SRSF4: variants seen among roughly 807,000 people sequenced by gnomAD.
The protein encoded by SRSF4 is serine/arginine-rich splicing factor 4.
A neutral mutation model predicts 48.8 loss-of-function variants in SRSF4; 12 were observed. The ratio of observed to expected loss-of-function variants is 0.25; its 90% CI spans 0.16 to 0.40. The LOEUF (loss-of-function observed/expected upper bound fraction) is 0.40. Ranked by LOEUF, SRSF4 falls within the 10% of genes least tolerant of loss-of-function variation. The probability of loss-of-function intolerance (pLI) is 1.00; values close to 1 mark genes in which losing one functional copy is unlikely to be tolerated. For synonymous variants in SRSF4, 248 were observed against 232.5 expected, an observed-to-expected ratio of 1.07 and a Z score of -0.61; for missense variants, 466 against 667.1, an observed-to-expected ratio of 0.70 and a Z score of 3.32.
At chr1:29,178,915 T>G (rs758671183) in intron 1 of SRSF4, among the ~76,000 whole-genome samples, 1 of 152,238 alleles carries the variant, frequency 6.6e-6, no homozygotes. Context: ...GGAGGTCATA[T>G]TGTGTGCTGT....
At chr1:29,162,411 G>A (rs1672612609) in intron 1 of SRSF4, among the ~76,000 whole-genome samples, 1 of 152,122 alleles carries the variant, frequency 6.6e-6, no homozygotes, top group South Asian at 2.1e-4. Flanking sequence ...TGGGTCATTA[G>A]GAAAACTATA....
At position 29,149,125 on chromosome 1, in the gene SRSF4, C is replaced by T; in HGVS notation, c.770G>A (p.Ser257Asn). Reference sequence around the variant, plus strand: ...GCTCTTGCCAGCGCTATGGCTGCGGCTGCGGCTCTTTTCCTTGCTGGGGCT... The same window carrying T: ...GCTCTTGCCAGCGCTATGGCTGCGGTTGCGGCTCTTTTCCTTGCTGGGGCT... ...SRSPSKEKSR[S>N]RSHSAGKSRS... The change falls in exon 6 of 6, where the codon AGC (serine) becomes AAC (asparagine). Residue 257 changes from serine to asparagine, a missense_variant. Transcript: ENST00000373795. 1 of 1,610,166 alleles carries T rather than the reference C, an allele frequency of 6.2e-7. No homozygotes were observed. Among genetic ancestry groups the T allele is most frequent in the South Asian group, 1.1e-5 (1 of 90,864 alleles).
chr1:29,160,160 T>C (rs1266988724), intron 2 of SRSF4: 1 of 514,190 alleles, frequency 1.9e-6, no homozygotes, highest in Non-Finnish European at 3.2e-6. Flanking sequence ...TAAACATATT[T>C]ATAAAGTATT....
intron 1 of SRSF4, among the ~76,000 whole-genome samples, chr1:29,168,012 CTT>C (rs5773233): frequency 2.3e-5 from 3 of 133,306 alleles, no homozygotes; most frequent in African/African-American, 8.3e-5. Flanking sequence ...GTTCTAATTC[CTT>C]TTTTTTTTTT....
chr1:29,155,853 C>T (rs149329203), intron 3 of SRSF4, among the ~76,000 whole-genome samples: 2 of 152,238 alleles, frequency 1.3e-5, no homozygotes, highest in Non-Finnish European at 2.9e-5. Flanking sequence ...CCTTCAATAC[C>T]ACAGGCCTCT....
Position 29,148,023 on chromosome 1 carries a change from G to A in SRSF4, c.*387C>T. 3 of 462,640 alleles carry A rather than the reference G, an allele frequency of 6.5e-6. No homozygotes were observed. Among genetic ancestry groups the A allele is most frequent in the Non-Finnish European group, 1.3e-5 (3 of 231,288 alleles). 28.7% of individuals were successfully genotyped at this position (462,640 alleles called of 1,614,324 possible). On this transcript the variant is annotated 3_prime_UTR_variant, in exon 6 of 6. Transcript: ENST00000373795. ...TAAGACTTAGCACTTTCACTAAATG[G>A]CATACATCGAAGGGCATCAATTCAA...
chr1:29,161,844 G>A (rs994877973), intron 1 of SRSF4, among the ~76,000 whole-genome samples: 10 of 152,166 alleles, frequency 6.6e-5, no homozygotes, highest in African/African-American at 2.4e-4. Flanking sequence ...TCGCCCTCCT[G>A]GGCCTCCCAA....
chr1:29,148,133 A>C lies in SRSF4; in HGVS notation c.*277T>G. 2 of 586,446 alleles carry C rather than the reference A, an allele frequency of 3.4e-6. No homozygotes were observed. Among genetic ancestry groups the C allele is most frequent in the South Asian group, 3.0e-5 (2 of 65,726 alleles). The allele number at this position is 586,446 out of a possible 1,614,324, so 36.3% of individuals were successfully genotyped here. On this transcript the variant is annotated 3_prime_UTR_variant, in exon 6 of 6. Transcript: ENST00000373795. Reference sequence around the variant, plus strand: ...TCCAGGTTACTGAGCTCCCTGTAGGAAAGGCCAGGCCTGAAAGCCAAGGCG... The same window carrying C: ...TCCAGGTTACTGAGCTCCCTGTAGGCAAGGCCAGGCCTGAAAGCCAAGGCG...
chr1:29,174,977 G>A (rs1672814893), intron 1 of SRSF4, among the ~76,000 whole-genome samples: 1 of 143,570 alleles, frequency 7.0e-6, no homozygotes, highest in African/African-American at 2.6e-5. Context: ...TGGCCGGTGG[G>A]TTTTTTAATT....
Position 29,154,914 on chromosome 1 carries a change from A to G in SRSF4, c.364-4T>C. 2.5e-6 allele frequency: 4 copies of G among 1,608,116 alleles called. No homozygotes were observed. Among genetic ancestry groups the G allele is most frequent in the Non-Finnish European group, 3.4e-6 (4 of 1,178,256 alleles). ...CTCCTGCCTGACGCATATAATCCTG[A>G]AGAAAAAAAAAAGTGTGACTACATT... On this transcript the variant is annotated splice_region_variant and splice_polypyrimidine_tract_variant and intron_variant, in intron 3 of 5. Transcript: ENST00000373795.
At chr1:29,161,276 G>A (rs1672590634) in intron 1 of SRSF4, among the ~76,000 whole-genome samples, 2 of 152,148 alleles carry the variant, frequency 1.3e-5, no homozygotes, top group Admixed American at 6.5e-5. Flanking sequence ...TGCAAAATTT[G>A]TAAGATACTT....
intron 1 of SRSF4, chr1:29,172,098 A>T (rs1294543248): frequency 6.6e-6 from 1 of 152,158 alleles, no homozygotes; most frequent in Non-Finnish European, 1.5e-5. Context: ...GGGGAAAAAA[A>T]TAATACACTT....
At chr1:29,178,352 A>T (rs1574205030) in intron 1 of SRSF4, among the ~76,000 whole-genome samples, 11 of 129,450 alleles carry the variant, frequency 8.5e-5, no homozygotes, top group Non-Finnish European at 1.3e-4. Flanking sequence ...AGTTTCAATT[A>T]CTTTTTTTTT....
intron 1 of SRSF4, among the ~76,000 whole-genome samples, chr1:29,179,854 AT>A (rs928626384): frequency 3.9e-5 from 6 of 152,164 alleles, no homozygotes; most frequent in African/African-American, 1.4e-4. Flanking sequence ...CCCCCAATTC[AT>A]TTAGCACAGT....
At chr1:29,179,570 A>T (rs1672923238) in intron 1 of SRSF4, among the ~76,000 whole-genome samples, 1 of 152,138 alleles carries the variant, frequency 6.6e-6, no homozygotes, top group African/African-American at 2.4e-5. Flanking sequence ...GCTGGTCTCA[A>T]ACTCCTGGCC....
Position 29,154,700 on chromosome 1 carries a change from A to G in SRSF4, c.574T>C (p.Ser192Pro). The G allele has an allele frequency of 6.2e-7, 1 of 1,614,202 alleles. No homozygotes were observed. The highest frequency in any genetic ancestry group is 8.5e-7 in the Non-Finnish European group (1 of 1,180,024). ...CACAAAAGACATCAACAGTACCTTG[A>G]ATGACTCCGGCTTCTGGAGTAGGAC... ...RRSYSRSRSH[S>P]RSRSRSRHSR... Residue 192 changes from serine to proline, a missense_variant, in exon 4 of 6, where the codon TCA becomes CCA. Transcript: ENST00000373795.
chr1:29,157,091 G>C (rs543557026), intron 3 of SRSF4, among the ~76,000 whole-genome samples: 5 of 152,306 alleles, frequency 3.3e-5, no homozygotes, highest in African/African-American at 1.2e-4. Flanking sequence ...CTAGGAGCCT[G>C]CATGTCTGGC....
At chr1:29,174,887 TG>T (rs1438336785) in intron 1 of SRSF4, among the ~76,000 whole-genome samples, 2 of 151,210 alleles carry the variant, frequency 1.3e-5, no homozygotes, top group Non-Finnish European at 2.9e-5. Flanking sequence ...TTGGCCAGGA[TG>T]GTCTCAATCT....
intron 5 of SRSF4, 49 bp from the exon 6 acceptor site, chr1:29,149,275 T>G: frequency 6.3e-7 from 1 of 1,582,878 alleles, no homozygotes; most frequent in South Asian, 1.1e-5. Context: ...TTCATGCTAA[T>G]CAGGAGATAA....
Sources: allele counts gnomAD v4.1 joint callset (sites outside exome capture counted in the v4.1 genomes callset), GRCh38; gene constraint gnomAD v4.1.1; transcripts MANE v1.5; gene names NCBI Gene and HGNC (gene_info 2026-07-23, HGNC 2026-07-21).